PIK3C2A: variants seen among roughly 807,000 people sequenced by gnomAD.
PIK3C2A encodes the protein phosphatidylinositol-4-phosphate 3-kinase catalytic subunit type 2 alpha.
Under a neutral mutation model 204.5 loss-of-function variants are expected in PIK3C2A, and 97 were observed. The ratio of observed to expected loss-of-function variants is 0.47; its 90% CI spans 0.40 to 0.56. PIK3C2A has a LOEUF of 0.56. Ranked by LOEUF, PIK3C2A falls within the 20% of genes least tolerant of loss-of-function variation. PIK3C2A has a pLI of 0.00. For synonymous variants in PIK3C2A, 653 were observed against 664.4 expected (o/e 0.98, Z 0.26); for missense variants, 1,735 against 1,969.2 (o/e 0.88, Z 2.25).
At chr11:17,102,941 C>A (rs1369357133) in intron 23 of PIK3C2A, 110 bp from the exon 24 acceptor site, 1 of 665,686 alleles carries the variant, frequency 1.5e-6, no homozygotes, top group East Asian at 2.8e-5. Flanking sequence ...TTGTAATCCA[C>A]TCTCTCAATA....
chr11:17,124,921 GAGA>G (rs560943769), intron 13 of PIK3C2A, among the ~76,000 whole-genome samples: 87 of 152,216 alleles, frequency 5.7e-4, no homozygotes, highest in African/African-American at 1.9e-3. Context: ...ATTTTCCATA[GAGA>G]AGAAGTTAGA....
At chr11:17,187,834 G>A (rs1851805538) in intron 1 of PIK3C2A, among the ~76,000 whole-genome samples, 1 of 151,884 alleles carries the variant, frequency 6.6e-6, no homozygotes, top group African/African-American at 2.4e-5. Flanking sequence ...GATACAATCA[G>A]AAACACAGAT....
At chr11:17,140,243 C>G (rs761743209) in intron 8 of PIK3C2A, among the ~76,000 whole-genome samples, 48 of 152,054 alleles carry the variant, frequency 3.2e-4, no homozygotes, top group Non-Finnish European at 5.9e-4. Flanking sequence ...AGTGAGACCT[C>G]CATTTCTTTA....
At chr11:17,183,090 T>TA (rs1418112500) in intron 1 of PIK3C2A, among the ~76,000 whole-genome samples, 1 of 152,098 alleles carries the variant, frequency 6.6e-6, no homozygotes, top group African/African-American at 2.4e-5. Flanking sequence ...GCAATCCACC[T>TA]GCCTTGGCTT....
chr11:17,101,452 A>G lies in PIK3C2A; in HGVS notation c.3852-18T>C. On this transcript the variant is annotated intron_variant, in intron 24 of 32. Coordinates refer to ENST00000691414, the MANE Select transcript of PIK3C2A (RefSeq NM_002645.4). Reference sequence around the variant, plus strand: ...CCCGATCCCTATTTAAAATGAAAGTACATACAAAATATTATTTACAGAAGA... The same window carrying G: ...CCCGATCCCTATTTAAAATGAAAGTGCATACAAAATATTATTTACAGAAGA... 7.0e-7 allele frequency: 1 copy of G among 1,431,524 alleles called. No individual in the cohort carries two copies. The highest frequency in any genetic ancestry group is 1.4e-5 in the South Asian group (1 of 70,078). The allele number at this position is 1,431,524 out of a possible 1,614,324, so 88.7% of individuals were successfully genotyped here.
chr11:17,190,071 C>A (rs560615795), intron 1 of PIK3C2A, among the ~76,000 whole-genome samples: 168 of 151,920 alleles, frequency 1.1e-3, no homozygotes, highest in African/African-American at 3.9e-3. Flanking sequence ...TCAAGATCAG[C>A]CTGCAACATG....
chr11:17,119,745 A>T, intron 16 of PIK3C2A, 41 bp downstream of exon 16: 2 of 1,287,924 alleles, frequency 1.6e-6, no homozygotes, highest in Non-Finnish European at 2.1e-6. Flanking sequence ...TACTGGAAAA[A>T]CTGACAATAA....
intron 12 of PIK3C2A, among the ~76,000 whole-genome samples, chr11:17,131,419 A>ATTTTT (rs68020564): frequency 1.3e-5 from 1 of 79,464 alleles, no homozygotes; most frequent in African/African-American, 4.2e-5. Context: ...AGGGTATTTC[A>ATTTTT]TTTTTTTTTT....
At chr11:17,195,935 A>G (rs962835594) in intron 1 of PIK3C2A, among the ~76,000 whole-genome samples, 2 of 151,958 alleles carry the variant, frequency 1.3e-5, no homozygotes, top group Non-Finnish European at 2.9e-5. Context: ...GCTACTTGGG[A>G]GGCTGAGGCA....
At chr11:17,105,629 G>T (rs558579422) in intron 22 of PIK3C2A, among the ~76,000 whole-genome samples, 9 of 152,276 alleles carry the variant, frequency 5.9e-5, no homozygotes, top group Admixed American at 4.6e-4. Flanking sequence ...TCCCACATAT[G>T]AGTGGGAACA....
intron 22 of PIK3C2A, among the ~76,000 whole-genome samples, chr11:17,107,794 C>G (rs1405564967): frequency 6.6e-6 from 1 of 152,102 alleles, no homozygotes; most frequent in Non-Finnish European, 1.5e-5. Flanking sequence ...CAGGGTACCC[C>G]GATAGAAAGT....
chr11:17,106,561 C>T (rs1184956089), intron 22 of PIK3C2A, among the ~76,000 whole-genome samples: 1 of 152,166 alleles, frequency 6.6e-6, no homozygotes, highest in African/African-American at 2.4e-5. Context: ...GGAAAACTAG[C>T]TGAGATCACA....
rs562096597 is a variant in PIK3C2A at position 17,140,557 on chromosome 11, A to C, written c.1705-3932T>G. 2.0e-5 allele frequency among the ~76,000 whole-genome samples: 3 copies of C among 152,340 alleles called. No homozygotes were observed. The South Asian group carries it at 6.2e-4, about 32-fold the overall frequency. The stretch of plus-strand genomic sequence containing the variant: ...GTGTGAAAGAAACCAGATGTAAAAA[A>C]CTACATAGTACATGATTCCATGTAC... On this transcript the variant is annotated intron_variant, in intron 8 of 32. Coordinates refer to ENST00000691414, the MANE Select transcript of PIK3C2A (RefSeq NM_002645.4).
At chr11:17,102,129 T>A (rs1305016457) in intron 24 of PIK3C2A, among the ~76,000 whole-genome samples, 2 of 152,032 alleles carry the variant, frequency 1.3e-5, no homozygotes, top group East Asian at 3.9e-4. Context: ...AAAATATATG[T>A]CCCTTAATTC....
At chr11:17,146,376 TCGCTCTTCTACC>T (rs1356824966) in intron 6 of PIK3C2A, among the ~76,000 whole-genome samples, 1 of 152,160 alleles carries the variant, frequency 6.6e-6, no homozygotes, top group Non-Finnish European at 1.5e-5. Flanking sequence ...AACAAGGTAC[TCGCTCTTCTACC>T]CTAAGTCTAC....
chr11:17,197,969 T>A (rs140028084), intron 1 of PIK3C2A, among the ~76,000 whole-genome samples: 1 of 152,296 alleles, frequency 6.6e-6, no homozygotes, highest in Non-Finnish European at 1.5e-5. Flanking sequence ...CCAAACTCCA[T>A]CAATTTCTAT....
At chr11:17,100,091 G>C in intron 25 of PIK3C2A, 122 bp from the exon 26 acceptor site, 1 of 534,602 alleles carries the variant, frequency 1.9e-6, no homozygotes, top group East Asian at 3.0e-5. Context: ...GTCTTGAGGG[G>C]TTCATTAGTG....
chr11:17,107,904 C>T (rs1262556928), intron 22 of PIK3C2A, among the ~76,000 whole-genome samples: 1 of 152,204 alleles, frequency 6.6e-6, no homozygotes, highest in Admixed American at 6.5e-5. Flanking sequence ...CAGAGTCTCA[C>T]TCTGTTTTCC....
chr11:17,104,180 T>TAGAG (rs1848730450), intron 23 of PIK3C2A, among the ~76,000 whole-genome samples: 1 of 152,202 alleles, frequency 6.6e-6, no homozygotes, highest in Admixed American at 6.5e-5. Flanking sequence ...TTAGGATCAT[T>TAGAG]AGAGGCCTAT....
Sources: gnomAD v4.1 joint callset for allele counts (sites outside exome capture counted in the v4.1 genomes callset) on GRCh38, gnomAD v4.1.1 for gene constraint, MANE v1.5 for transcripts, NCBI Gene and HGNC (gene_info 2026-07-23, HGNC 2026-07-21) for gene names.